The following PAG1 variants were observed in gnomAD, a reference collection of about 807,000 sequenced individuals.
The protein encoded by PAG1 is phosphoprotein membrane anchor with glycosphingolipid microdomains 1.
Under a neutral mutation model 31.7 loss-of-function variants are expected in PAG1, and 23 were observed. That is an observed-to-expected ratio of 0.73 (90% confidence interval 0.52 to 1.03). PAG1 has a LOEUF of 1.03. Ranked by LOEUF, PAG1 falls within the 50% of genes least tolerant of loss-of-function variation. The pLI, the probability that PAG1 is intolerant of heterozygous loss-of-function variation, is 0.00. For synonymous variants in PAG1, 214 were observed against 210.3 expected (o/e 1.02, Z -0.15); for missense variants, 473 against 540.7 (o/e 0.87, Z 1.24).
chr8:81,096,148 C>T (rs966294953), intron 1 of PAG1, among the ~76,000 whole-genome samples: 1 of 152,156 alleles, frequency 6.6e-6, no homozygotes, highest in Non-Finnish European at 1.5e-5. Context: ...AATAAAACTA[C>T]TATATTTGGA....
At chr8:81,084,926 C>CT (rs1809327319) in intron 1 of PAG1, among the ~76,000 whole-genome samples, 1 of 152,014 alleles carries the variant, frequency 6.6e-6, no homozygotes, top group African/African-American at 2.4e-5. Flanking sequence ...AGTCCGTTTT[C>CT]TTTTTTTACA....
chr8:81,077,577 A>G lies in PAG1; in HGVS notation c.-233-7407T>C, dbSNP rs559692679. ...TGGTGACTTTTATCGAAAAAACATT[A>G]ATTTCTTCAGGTGTAAAGAGAATGG... On this transcript the variant is annotated intron_variant, in intron 1 of 8. Transcript: ENST00000220597. Among the ~76,000 whole-genome samples the G allele has an allele frequency of 4.6e-5, 7 of 152,322 alleles. No homozygotes were observed. In the East Asian group the frequency reaches 1.3e-3, roughly 29 times the overall value.
At chr8:81,040,081 C>T (rs1025418254) in intron 2 of PAG1, among the ~76,000 whole-genome samples, 1 of 152,170 alleles carries the variant, frequency 6.6e-6, no homozygotes, top group Non-Finnish European at 1.5e-5. Context: ...AGACTCCCCT[C>T]TTGGTTAATT....
chr8:81,022,458 T>C (rs1181580254), intron 3 of PAG1, among the ~76,000 whole-genome samples: 1 of 152,202 alleles, frequency 6.6e-6, no homozygotes, highest in Non-Finnish European at 1.5e-5. Context: ...AAAATAACGA[T>C]GCTTATCTAA....
At chr8:81,069,407 A>G (rs1809058958) in intron 2 of PAG1, among the ~76,000 whole-genome samples, 1 of 152,242 alleles carries the variant, frequency 6.6e-6, no homozygotes, top group African/African-American at 2.4e-5. Flanking sequence ...GGTTTGTAAA[A>G]TAAATCTTTC....
intron 2 of PAG1, among the ~76,000 whole-genome samples, chr8:81,033,680 T>G (rs1464177379): frequency 6.6e-6 from 1 of 152,220 alleles, no homozygotes; most frequent in Non-Finnish European, 1.5e-5. Flanking sequence ...ATGATGACAT[T>G]CATAAGAAGG....
intron 1 of PAG1, among the ~76,000 whole-genome samples, chr8:81,099,387 AACAGGG>A (rs1809575741): frequency 6.6e-6 from 1 of 152,198 alleles, no homozygotes; most frequent in Non-Finnish European, 1.5e-5. Flanking sequence ...CCACCATTGA[AACAGGG>A]ACAAAGCTGA....
intron 7 of PAG1, among the ~76,000 whole-genome samples, chr8:80,981,170 C>T (rs1807292583): frequency 6.6e-6 from 1 of 152,044 alleles, no homozygotes; most frequent in South Asian, 2.1e-4. Context: ...GCACCCCAGG[C>T]CTTTCTAAAC....
At chr8:81,096,024 T>C (rs1319088100) in intron 1 of PAG1, among the ~76,000 whole-genome samples, 1 of 152,246 alleles carries the variant, frequency 6.6e-6, no homozygotes, top group Non-Finnish European at 1.5e-5. Context: ...TCTTAATTTT[T>C]TTGTACAACT....
chr8:81,052,991 G>C (rs1268448517), intron 2 of PAG1, among the ~76,000 whole-genome samples: 1 of 152,144 alleles, frequency 6.6e-6, no homozygotes, highest in Non-Finnish European at 1.5e-5. Flanking sequence ...GTATTTCAAA[G>C]TTTATTTATT....
At chr8:81,100,246 T>A (rs749118801) in intron 1 of PAG1, among the ~76,000 whole-genome samples, 1 of 152,244 alleles carries the variant, frequency 6.6e-6, no homozygotes, top group Non-Finnish European at 1.5e-5. Flanking sequence ...GCAAGAACCA[T>A]GTCATAGTCT....
chr8:81,084,545 G>A (rs1586210108), intron 1 of PAG1, among the ~76,000 whole-genome samples: 1 of 152,208 alleles, frequency 6.6e-6, no homozygotes, highest in South Asian at 2.1e-4. Context: ...AAAATGAAAG[G>A]AAGGGACTTT....
intron 2 of PAG1, among the ~76,000 whole-genome samples, chr8:81,036,745 C>G (rs946804812): frequency 2.6e-5 from 4 of 152,186 alleles, no homozygotes; most frequent in Non-Finnish European, 5.9e-5. Flanking sequence ...GCTGCTTTTT[C>G]TTGCTGCTTC....
At chr8:80,995,823 A>G (rs955507241) in intron 3 of PAG1, among the ~76,000 whole-genome samples, 2 of 152,136 alleles carry the variant, frequency 1.3e-5, no homozygotes, top group African/African-American at 4.8e-5. Context: ...CCTCTCTCCT[A>G]ATAGAAGGAG....
At chr8:81,046,177 A>T (rs927670231) in intron 2 of PAG1, among the ~76,000 whole-genome samples, 1 of 152,234 alleles carries the variant, frequency 6.6e-6, no homozygotes, top group African/African-American at 2.4e-5. Context: ...TTGGTCTTGG[A>T]GAGGATATCA....
intron 2 of PAG1, among the ~76,000 whole-genome samples, chr8:81,050,023 T>A (rs910690397): frequency 1.3e-5 from 2 of 152,218 alleles, no homozygotes; most frequent in Non-Finnish European, 2.9e-5. Flanking sequence ...CAGGATGGCA[T>A]GTTTAATGTA....
At chr8:81,014,365 A>C (rs905844467) in intron 3 of PAG1, among the ~76,000 whole-genome samples, 2 of 152,212 alleles carry the variant, frequency 1.3e-5, no homozygotes, top group Non-Finnish European at 2.9e-5. Flanking sequence ...ATAAAACATT[A>C]CTTTAAAAAC....
intron 3 of PAG1, among the ~76,000 whole-genome samples, chr8:80,993,842 G>A (rs1028124821): frequency 6.6e-6 from 1 of 152,100 alleles, no homozygotes; most frequent in Admixed American, 6.6e-5. Context: ...CTGGGCTCAA[G>A]TAATCCTCCT....
chr8:81,005,891 T>C (rs529775957), intron 3 of PAG1, among the ~76,000 whole-genome samples: 1 of 152,204 alleles, frequency 6.6e-6, no homozygotes, highest in Non-Finnish European at 1.5e-5. Flanking sequence ...GAGGCCCAGA[T>C]ATAATAGAGT....
Sources: gnomAD v4.1 joint callset for allele counts (sites outside exome capture counted in the v4.1 genomes callset) on GRCh38, gnomAD v4.1.1 for gene constraint, MANE v1.5 for transcripts, NCBI Gene and HGNC (gene_info 2026-07-23, HGNC 2026-07-21) for gene names.